Variants in CRISPLD2 observed in about 807,000 individuals in gnomAD.
CRISPLD2 encodes the protein cysteine-rich secretory protein LCCL domain-containing 2.
A neutral mutation model predicts 71.1 loss-of-function variants in CRISPLD2; 47 were observed. The observed-to-expected ratio is 0.66, with a 90% CI of 0.52 to 0.84. The LOEUF (loss-of-function observed/expected upper bound fraction) is 0.84. CRISPLD2 is among the 40% of genes least tolerant of loss of function. The pLI is 0.00. For synonymous variants in CRISPLD2, 317 were observed against 250.1 expected (o/e 1.27, Z -2.52); for missense variants, 830 against 651.1 (o/e 1.27, Z -2.99).
chr16:84,880,776 G>A (rs1597476185), intron 13 of CRISPLD2, 192 bp downstream of exon 13: 2 of 452,414 alleles, frequency 4.4e-6, no homozygotes, highest in African/African-American at 2.0e-5. Flanking sequence ...AGTAATCTTG[G>A]CCCACTGTAA....
At chr16:84,825,900 T>G (rs1916340167) in intron 1 of CRISPLD2, among the ~76,000 whole-genome samples, 3 of 151,822 alleles carry the variant, frequency 2.0e-5, no homozygotes, top group Admixed American at 1.3e-4. Flanking sequence ...GAGGCTGCAG[T>G]GAGCAGTGTT....
Position 84,906,932 on chromosome 16 carries a change from G to T in CRISPLD2, c.*290G>T, listed in dbSNP as rs374468416. On this transcript the variant is annotated 3_prime_UTR_variant, in exon 15 of 15. Transcript: ENST00000262424. Reference sequence around the variant, plus strand: ...GAGATCTGAGCTGTCTCTTAAAGGGGACAGTTGCCCAAAATGTTCCTTGCT... The same window carrying T: ...GAGATCTGAGCTGTCTCTTAAAGGGTACAGTTGCCCAAAATGTTCCTTGCT... The T allele has an allele frequency of 1.8e-4, 85 of 469,854 alleles. No homozygotes were observed. Among genetic ancestry groups the T allele is most frequent in the African/African-American group, 1.4e-3 (73 of 50,620 alleles). The allele number at this position is 469,854 out of a possible 1,614,324, so 29.1% of individuals were successfully genotyped here.
intron 1 of CRISPLD2, among the ~76,000 whole-genome samples, chr16:84,822,271 A>C (rs1332792382): frequency 1.3e-5 from 2 of 152,224 alleles, no homozygotes; most frequent in African/African-American, 4.8e-5. Context: ...GGAAGGCCTG[A>C]GCTAGGGAAG....
chr16:84,853,993 T>C (rs1597459900), intron 5 of CRISPLD2, among the ~76,000 whole-genome samples: 2 of 152,280 alleles, frequency 1.3e-5, no homozygotes, highest in East Asian at 3.9e-4. Context: ...GGAGAAAGCC[T>C]ATGGTGCGGC....
chr16:84,900,052 A>C (rs2071739884), intron 14 of CRISPLD2, among the ~76,000 whole-genome samples: 1 of 152,048 alleles, frequency 6.6e-6, no homozygotes, highest in African/African-American at 2.4e-5. Flanking sequence ...AGAAACCAGC[A>C]GGGCCGCCAG....
chr16:84,894,059 G>A (rs2071685168), intron 14 of CRISPLD2, among the ~76,000 whole-genome samples: 1 of 152,218 alleles, frequency 6.6e-6, no homozygotes, highest in African/African-American at 2.4e-5. Context: ...CGGGGCCGAA[G>A]GTCAGTTCTG....
chr16:84,870,400 A>T (rs946171338), intron 8 of CRISPLD2, among the ~76,000 whole-genome samples: 3 of 149,420 alleles, frequency 2.0e-5, no homozygotes, highest in African/African-American at 7.4e-5. Context: ...GCTCACTGCC[A>T]CCTCTGCTTC....
chr16:84,863,281 A>G (rs1286284156), intron 6 of CRISPLD2: 1 of 152,180 alleles, frequency 6.6e-6, no homozygotes, highest in Non-Finnish European at 1.5e-5. Flanking sequence ...ACATAGCTTC[A>G]TGTACTTATT....
At chr16:84,851,275 G>A (rs1917082195) in intron 5 of CRISPLD2, among the ~76,000 whole-genome samples, 1 of 152,322 alleles carries the variant, frequency 6.6e-6, no homozygotes, top group South Asian at 2.1e-4. Flanking sequence ...TCCTGATCAT[G>A]GTGCCTCCTC....
At chr16:84,862,060 C>T (rs997875643) in intron 6 of CRISPLD2, among the ~76,000 whole-genome samples, 2 of 152,184 alleles carry the variant, frequency 1.3e-5, no homozygotes, top group African/African-American at 4.8e-5. Context: ...GCTGTTTGAC[C>T]CTTTACTCCT....
At chr16:84,867,881 C>T (rs964776701) in intron 7 of CRISPLD2, among the ~76,000 whole-genome samples, 2 of 152,220 alleles carry the variant, frequency 1.3e-5, no homozygotes, top group Non-Finnish European at 2.9e-5. Flanking sequence ...CTGCCTTCAC[C>T]GCCCCAGGGT....
chr16:84,854,867 G>A, intron 6 of CRISPLD2, 38 bp downstream of exon 6: 1 of 1,506,990 alleles, frequency 6.6e-7, no homozygotes, highest in Non-Finnish European at 9.2e-7. Context: ...CAATGAATTT[G>A]CCCTCAGTCT....
At chr16:84,885,663 TC>T (rs1350691940) in intron 13 of CRISPLD2, among the ~76,000 whole-genome samples, 2 of 152,250 alleles carry the variant, frequency 1.3e-5, no homozygotes, top group African/African-American at 4.8e-5. Context: ...AAAGTGGCCT[TC>T]AGTTACTCGG....
At chr16:84,849,748 C>G (rs1159218389) in intron 4 of CRISPLD2, among the ~76,000 whole-genome samples, 1 of 148,870 alleles carries the variant, frequency 6.7e-6, no homozygotes, top group African/African-American at 2.5e-5. Flanking sequence ...CAGTGTCTCC[C>G]TGCTACCTGG....
Position 84,845,234 on chromosome 16 carries a change from G to A in CRISPLD2, c.241-552G>A, listed in dbSNP as rs140028079. Among the ~76,000 whole-genome samples, 227 of 152,314 alleles carry A rather than the reference G, an allele frequency of 1.5e-3. 1 individual carries two copies. Among genetic ancestry groups the A allele is most frequent in the Non-Finnish European group, 2.8e-3 (190 of 68,028 alleles). Reference sequence around the variant, plus strand: ...GCCTGTGAAATGGAGATAAGGGCCCGCTTCGGAGCCCCCTGTTAGAATGCA... The same window carrying A: ...GCCTGTGAAATGGAGATAAGGGCCCACTTCGGAGCCCCCTGTTAGAATGCA... On this transcript the variant is annotated intron_variant, in intron 2 of 14. Transcript: ENST00000262424.
intron 14 of CRISPLD2, among the ~76,000 whole-genome samples, chr16:84,899,267 C>A (rs527359972): frequency 6.6e-6 from 1 of 152,128 alleles, no homozygotes; most frequent in Non-Finnish European, 1.5e-5. Flanking sequence ...GATAAAAAGT[C>A]CAATACCTTT....
At chr16:84,857,582 C>G (rs558918508) in intron 6 of CRISPLD2, among the ~76,000 whole-genome samples, 119 of 152,332 alleles carry the variant, frequency 7.8e-4, no homozygotes, top group Non-Finnish European at 1.4e-3. Context: ...TGCTCGAAGT[C>G]CTGCCCACTG....
In CRISPLD2 at chr16:84,904,615, A is replaced by C. The variant is rs545790395; in HGVS notation, c.1440-1973A>C. 6.0e-3 allele frequency among the ~76,000 whole-genome samples: 906 copies of C among 151,486 alleles called. 9 individuals carry two copies. Among genetic ancestry groups the C allele is most frequent in the African/African-American group, 0.019 (793 of 41,380 alleles). ...AGGTAAAAAAAAAAATTTAAAAAAA[A>C]AATTAAAAAAAAAAATGATTGGAAG... On this transcript the variant is annotated intron_variant, in intron 14 of 14. Transcript: ENST00000262424.
intron 5 of CRISPLD2, among the ~76,000 whole-genome samples, chr16:84,854,503 T>G (rs751158340): frequency 3.9e-5 from 6 of 152,168 alleles, no homozygotes; most frequent in Non-Finnish European, 5.9e-5. Context: ...GAAGGGCATC[T>G]TGTAGCTCCC....
Sources: gnomAD v4.1 joint callset for allele counts (sites outside exome capture counted in the v4.1 genomes callset) on GRCh38, gnomAD v4.1.1 for gene constraint, MANE v1.5 for transcripts, NCBI Gene and HGNC (gene_info 2026-07-23, HGNC 2026-07-21) for gene names.